The following KDM4A variants were observed in gnomAD, a reference collection of about 807,000 sequenced individuals.
The protein encoded by KDM4A is lysine-specific demethylase 4A.
In KDM4A, 23 loss-of-function variants were observed where a neutral mutation model predicts 127.1. That is an observed-to-expected ratio of 0.18 (90% confidence interval 0.13 to 0.26). The LOEUF is 0.26. KDM4A is among the 10% of genes least tolerant of loss of function. The probability of loss-of-function intolerance (pLI) is 1.00; values close to 1 mark genes in which losing one functional copy is unlikely to be tolerated. For synonymous variants in KDM4A, 443 were observed against 466.5 expected, an observed-to-expected ratio of 0.95 and a Z score of 0.65; for missense variants, 890 against 1,329.1, an observed-to-expected ratio of 0.67 and a Z score of 5.14.
chr1:43,691,175 G>C (rs1422600865), intron 14 of KDM4A, 126 bp downstream of exon 14: 11 of 968,498 alleles, frequency 1.1e-5, no homozygotes, highest in Non-Finnish European at 1.6e-5. Context: ...GGAGTCTGTT[G>C]CTAGCTGATT....
At chr1:43,670,556 A>ATTTT (rs35331772) in intron 10 of KDM4A, among the ~76,000 whole-genome samples, 16 of 76,168 alleles carry the variant, frequency 2.1e-4, no homozygotes, top group African/African-American at 3.1e-4. Context: ...CGCCTGGCTA[A>ATTTT]TTTTTTTTTT....
At chr1:43,691,596 G>A (rs749783708) in intron 15 of KDM4A, 24 bp downstream of exon 15, 6 of 1,597,346 alleles carry the variant, frequency 3.8e-6, no homozygotes, top group Admixed American at 1.7e-5. Flanking sequence ...CACTGTTACT[G>A]TCTTCACCAT....
In KDM4A at chr1:43,694,515, CA is replaced by C. The variant is rs35419389; in HGVS notation, c.2485-175del. On this transcript the variant is annotated intron_variant, in intron 17 of 21. Coordinates refer to ENST00000372396, the MANE Select transcript of KDM4A (RefSeq NM_014663.3). The surrounding 1 kb of genome is among the most constrained non-coding windows in gnomAD (Gnocchi z 5.2). ...TGGGTGACAGAGCAAGACTCCGTCT[CA>C]AAAAAAAAAAAAAAAAAATTTCCTT... Among the ~76,000 whole-genome samples the C allele has an allele frequency of 0.34, 36,931 of 107,294 alleles. 4,540 individuals carry two copies. Among genetic ancestry groups the C allele is most frequent in the Middle Eastern group, 0.43 (81 of 188 alleles). 70.4% of individuals were successfully genotyped at this position (107,294 alleles called of 152,430 possible).
At chr1:43,683,517 G>A (rs369805761) in intron 11 of KDM4A, among the ~76,000 whole-genome samples, 167 bp from the exon 12 acceptor site, 23 of 152,322 alleles carry the variant, frequency 1.5e-4, no homozygotes, top group African/African-American at 5.1e-4. Flanking sequence ...AGTTTGGTAC[G>A]TGGTATTGTC....
intron 18 of KDM4A, among the ~76,000 whole-genome samples, chr1:43,696,271 G>T (rs536580417): frequency 2.0e-5 from 3 of 152,322 alleles, no homozygotes; most frequent in Non-Finnish European, 2.9e-5. Flanking sequence ...TGTCCCTGTG[G>T]AGTAGTCAGG....
chr1:43,689,325 C>T (rs1051754994), intron 13 of KDM4A, among the ~76,000 whole-genome samples: 1 of 152,178 alleles, frequency 6.6e-6, no homozygotes, highest in Non-Finnish European at 1.5e-5. Context: ...CTTAGGCTCC[C>T]CTTTGCACAT....
rs1267945189 is a variant in KDM4A, at chr1:43,697,915, T to A, written c.2743T>A (p.Tyr915Asn). 1 of 1,613,908 alleles carries A rather than the reference T, an allele frequency of 6.2e-7. No individual in the cohort carries two copies. The highest frequency in any genetic ancestry group is 1.3e-5 in the African/African-American group (1 of 74,862). The change falls in exon 19 of 22, where the codon TAC becomes AAC. Residue 915 changes from tyrosine to asparagine, a missense_variant. Around this residue, in one of 7 missense-constraint regions of KDM4A, gnomAD observed 246 missense variants for 418.4 expected, o/e 0.59. Transcript: ENST00000372396. ...VISKHKNGRF[Y>N]QCEVVRLTTE... ...TAGCAAGCATAAGAACGGGCGCTTC[T>A]ACCAGTGTGAAGTGGTCAGGCTCAC...
intron 11 of KDM4A, among the ~76,000 whole-genome samples, chr1:43,677,112 G>A (rs1402000083): frequency 2.0e-5 from 3 of 152,114 alleles, no homozygotes; most frequent in African/African-American, 4.8e-5. Flanking sequence ...CTGGGAGGCC[G>A]AGGGGGTGGA....
At chr1:43,665,862 A>G (rs1660490157) in intron 6 of KDM4A, 117 bp downstream of exon 6, 1 of 1,032,448 alleles carries the variant, frequency 9.7e-7, no homozygotes, top group Non-Finnish European at 1.5e-6. Context: ...GCAGGCCTGC[A>G]GACGGGGGTG....
intron 3 of KDM4A, 135 bp from the exon 4 acceptor site, chr1:43,660,163 C>A: frequency 1.0e-6 from 1 of 965,448 alleles, no homozygotes; most frequent in Non-Finnish European, 1.6e-6. Flanking sequence ...GTATTAGAGC[C>A]TTGAAGGCCA....
intron 15 of KDM4A, 124 bp from the exon 16 acceptor site, chr1:43,692,132 C>A: frequency 1.1e-6 from 1 of 870,780 alleles, no homozygotes; most frequent in Non-Finnish European, 1.9e-6. Flanking sequence ...CTGGGTGAAG[C>A]CCCACATGCT....
At chr1:43,651,217 G>T (rs1369683163) in intron 1 of KDM4A, among the ~76,000 whole-genome samples, 2 of 152,262 alleles carry the variant, frequency 1.3e-5, no homozygotes, top group African/African-American at 4.8e-5. Flanking sequence ...TTTTTAAGAG[G>T]GTCTTCAAAA....
chr1:43,691,419 A>T lies in KDM4A; in HGVS notation c.2243-77A>T, dbSNP rs1661107573. ...TTTGGTTGTAGCTTTGGGAGGTGGTATATGGAAAGGAATTGCAAATCTACC... is the reference window on the plus strand; with the variant it reads ...TTTGGTTGTAGCTTTGGGAGGTGGTTTATGGAAAGGAATTGCAAATCTACC... On this transcript the variant is annotated intron_variant, in intron 14 of 21. Coordinates refer to ENST00000372396, the MANE Select transcript of KDM4A (RefSeq NM_014663.3). The T allele has an allele frequency of 4.3e-6, 5 of 1,155,336 alleles. No individual in the cohort carries two copies. The Admixed American group carries it at 8.4e-5, about 20-fold the overall frequency. 71.6% of individuals were successfully genotyped at this position (1,155,336 alleles called of 1,614,324 possible).
At chr1:43,681,293 T>G (rs997265028) in intron 11 of KDM4A, among the ~76,000 whole-genome samples, 2 of 152,210 alleles carry the variant, frequency 1.3e-5, no homozygotes, top group Non-Finnish European at 2.9e-5. Context: ...TGTCTGCTTC[T>G]GAGTCTCCTT....
At chr1:43,657,483 G>A (rs1660271151) in intron 3 of KDM4A, among the ~76,000 whole-genome samples, 2 of 152,098 alleles carry the variant, frequency 1.3e-5, no homozygotes, top group African/African-American at 2.4e-5. Flanking sequence ...TTACAGGTGT[G>A]AGCCACCGTG....
Position 43,678,873 on chromosome 1 carries a change from A to G in KDM4A, c.1735-4811A>G, listed in dbSNP as rs148628335. Among the ~76,000 whole-genome samples, 144 of 152,260 alleles carry G rather than the reference A, an allele frequency of 9.5e-4. 1 individual carries two copies. The highest frequency in any genetic ancestry group is 3.3e-3 in the African/African-American group (136 of 41,564). On this transcript the variant is annotated intron_variant, in intron 11 of 21. Transcript: ENST00000372396. Reference sequence around the variant, plus strand: ...AAGTGCTGGGATATAGGCATGAGCCACCACACCCAGCCTGTGTTTTTAAAT... The same window carrying G: ...AAGTGCTGGGATATAGGCATGAGCCGCCACACCCAGCCTGTGTTTTTAAAT...
intron 3 of KDM4A, among the ~76,000 whole-genome samples, chr1:43,657,754 T>TTC (rs1482091071): frequency 6.8e-6 from 1 of 146,398 alleles, no homozygotes; most frequent in African/African-American, 2.5e-5. Flanking sequence ...TCTTTTCTTT[T>TTC]TTTTTTTTTT....
intron 12 of KDM4A, among the ~76,000 whole-genome samples, chr1:43,687,518 C>T (rs560412614): frequency 6.2e-4 from 95 of 152,280 alleles, no homozygotes; most frequent in Admixed American, 1.6e-3. Context: ...TGTCAGGGGC[C>T]GCATACTTGG....
chr1:43,690,341 A>G (rs75073825), intron 13 of KDM4A, among the ~76,000 whole-genome samples: 1 of 149,180 alleles, frequency 6.7e-6, no homozygotes, highest in East Asian at 2.0e-4. Flanking sequence ...TTTTTTTTTT[A>G]GACGGAGTCT....
Sources: gnomAD v4.1 joint callset for allele counts (sites outside exome capture counted in the v4.1 genomes callset) on GRCh38, gnomAD v4.1.1 for gene constraint, gnomAD v4.1.1 regional missense constraint, Gnocchi (gnomAD v3.1) non-coding constraint, MANE v1.5 for transcripts, NCBI Gene and HGNC (gene_info 2026-07-23, HGNC 2026-07-21) for gene names.